Variants in TEX264 observed in about 807,000 individuals in gnomAD.
The protein encoded by TEX264 is testis expressed 264, ER-phagy receptor, also known as testis-expressed protein 264.
In TEX264, 13 loss-of-function variants were observed where a neutral mutation model predicts 23.4. The ratio of observed to expected loss-of-function variants is 0.56; its 90% CI spans 0.36 to 0.88. TEX264 has a LOEUF of 0.88. Among genes scored for constraint, TEX264 ranks in the 40% least tolerant of loss-of-function variants. TEX264 has a pLI of 0.01. For synonymous variants in TEX264, 159 were observed against 170.0 expected (o/e 0.94, Z 0.50); for missense variants, 340 against 406.8 (o/e 0.84, Z 1.41).
At chr3:51,672,191 G>A (rs368571998) in intron 1 of TEX264, 118 of 152,448 alleles carry the variant, frequency 7.7e-4, no homozygotes, top group African/African-American at 2.6e-3. Flanking sequence ...GGTTGGCTCA[G>A]TGGTTATTTC....
In TEX264 at chr3:51,699,396, C is replaced by T; in HGVS notation, c.481-10C>T. 1 of 1,612,472 alleles carries T rather than the reference C, an allele frequency of 6.2e-7. No homozygotes were observed. The highest frequency in any genetic ancestry group is 1.7e-5 in the Admixed American group (1 of 59,984). ...AGGGCTCATTCTACCTTTTGCCACT[C>T]TCTGACTAGGAGCGGAAGCTGTGTG... is the stretch of plus-strand genomic sequence containing the variant. On this transcript the variant is annotated splice_polypyrimidine_tract_variant and intron_variant, in intron 3 of 4. Transcript: ENST00000341333.
At chr3:51,699,884 C>T (rs1168782137) in intron 4 of TEX264, among the ~76,000 whole-genome samples, 1 of 152,116 alleles carries the variant, frequency 6.6e-6, no homozygotes, top group Admixed American at 6.5e-5. Context: ...ACAGACAGCT[C>T]GATGTTCATG....
intron 3 of TEX264, among the ~76,000 whole-genome samples, chr3:51,687,343 CTGTT>C (rs1702659077): frequency 6.6e-6 from 1 of 152,182 alleles, no homozygotes; most frequent in East Asian, 1.9e-4. Context: ...GGGGCTAGCT[CTGTT>C]TGCTGGTCAC....
intron 3 of TEX264, among the ~76,000 whole-genome samples, chr3:51,698,453 C>T (rs1044560214): frequency 2.0e-5 from 3 of 152,124 alleles, no homozygotes; most frequent in Non-Finnish European, 2.9e-5. Flanking sequence ...TGTGCTCCTT[C>T]GCAGGAAAGG....
At chr3:51,700,690 C>A (rs1703262561) in intron 4 of TEX264, among the ~76,000 whole-genome samples, 1 of 151,972 alleles carries the variant, frequency 6.6e-6, no homozygotes, top group Non-Finnish European at 1.5e-5. Flanking sequence ...ACCCACCCAC[C>A]CAGCTTCCTT....
In TEX264 at chr3:51,704,065, ACT is replaced by A. The variant is rs1703434868; in HGVS notation, c.*53_*54del. The A allele has an allele frequency of 2.2e-6, 3 of 1,387,624 alleles. No individual in the cohort carries two copies. The highest frequency in any genetic ancestry group is 2.8e-6 in the Non-Finnish European group (3 of 1,066,348). 86.0% of individuals were successfully genotyped at this position (1,387,624 alleles called of 1,614,324 possible). A position where few individuals can be genotyped will look rare whatever the true frequency, so the allele number is the denominator to read the frequency against. ...GTGCAGTTGCTGAGGAACTGAGCAG[ACT>A]CTCCAGCAGACTCTCCAGCCCTCTT... is the stretch of plus-strand genomic sequence containing the variant. On this transcript the variant is annotated 3_prime_UTR_variant, in exon 5 of 5. Coordinates refer to ENST00000341333, the MANE Select transcript of TEX264 (RefSeq NM_015926.6).
At chr3:51,684,712 G>A (rs1279848466) in intron 3 of TEX264, 78 bp downstream of exon 3, 2 of 1,458,404 alleles carry the variant, frequency 1.4e-6, no homozygotes, top group Non-Finnish European at 1.9e-6. Flanking sequence ...TGCCTAGAAT[G>A]GGAGGAAGAA....
chr3:51,682,926 A>G (rs1702486439), intron 2 of TEX264: 1 of 152,256 alleles, frequency 6.6e-6, no homozygotes, highest in South Asian at 2.1e-4. Flanking sequence ...GACTAAAAGG[A>G]AGGCCTGGGT....
chr3:51,693,569 T>G lies in TEX264; in HGVS notation c.481-5837T>G, dbSNP rs576020814. Among the ~76,000 whole-genome samples the G allele has an allele frequency of 6.2e-5, 9 of 146,052 alleles. No individual in the cohort carries two copies. The East Asian group carries it at 2.0e-3, about 32-fold the overall frequency. On this transcript the variant is annotated intron_variant, in intron 3 of 4. Coordinates refer to ENST00000341333, the MANE Select transcript of TEX264 (RefSeq NM_015926.6). ...ATCGCGGCTCACTGCAACCTCTGCC[T>G]CCCGGATTCAAGCAATTCTTCTGCC...
At position 51,692,108 on chromosome 3, in the gene TEX264, C is replaced by G. The variant is rs377423704; in HGVS notation, c.481-7298C>G. ...CGTGGGAGCCACCACTCTCAAAATA[C>G]CAGCTCGGATATTGTAGCTTGGCAG... is the stretch of plus-strand genomic sequence containing the variant. On this transcript the variant is annotated intron_variant, in intron 3 of 4. Coordinates refer to ENST00000341333, the MANE Select transcript of TEX264 (RefSeq NM_015926.6). Among the ~76,000 whole-genome samples the G allele has an allele frequency of 1.5e-4, 23 of 152,238 alleles. No individual in the cohort carries two copies. In the South Asian group the frequency reaches 4.8e-3, roughly 31 times the overall value.
chr3:51,703,227 A>G lies in TEX264; in HGVS notation c.650-497A>G, dbSNP rs543965240. On this transcript the variant is annotated intron_variant, in intron 4 of 4. Coordinates refer to ENST00000341333, the MANE Select transcript of TEX264 (RefSeq NM_015926.6). The surrounding 1 kb of genome is among the most constrained non-coding windows in gnomAD (Gnocchi z 4.8). ...GGAGCCCTGCACGGGGGAGGGCTGC[A>G]GAGGGGCCTCCTGCTGCATTCTGCA... 1.3e-5 allele frequency among the ~76,000 whole-genome samples: 2 copies of G among 152,320 alleles called. No individual in the cohort carries two copies. The highest frequency in any genetic ancestry group is 3.9e-4 in the East Asian group (2 of 5,172).
rs1559669391 is a variant in TEX264, at chr3:51,674,704, G to A, written c.258+142G>A. ...CAGACCCCTCCTCTATGAGCTTGAA[G>A]CACCTTCCAGATTTAGCCTGGACTT... On this transcript the variant is annotated intron_variant, in intron 2 of 4. Transcript: ENST00000341333. 3.0e-6 allele frequency: 3 copies of A among 1,001,462 alleles called. No homozygotes were observed. The African/African-American group carries it at 4.9e-5, about 16-fold the overall frequency. 62.0% of individuals were successfully genotyped at this position (1,001,462 alleles called of 1,614,324 possible). A position where few individuals can be genotyped will look rare whatever the true frequency, so the allele number is the denominator to read the frequency against.
chr3:51,678,652 C>A (rs28626048), intron 2 of TEX264, among the ~76,000 whole-genome samples: 1,657 of 152,318 alleles, frequency 0.011, 44 homozygotes, highest in African/African-American at 0.037. Flanking sequence ...AGCCCCCTTT[C>A]CCTTAGTCCA....
At chr3:51,690,321 C>T (rs1702783287) in intron 3 of TEX264, among the ~76,000 whole-genome samples, 2 of 152,136 alleles carry the variant, frequency 1.3e-5, no homozygotes, top group African/African-American at 4.8e-5. Context: ...CACCTAAAGT[C>T]AGGAGTTTGA....
At chr3:51,693,987 TTTCCTTCCTTCCTTCCTTCCTTCCTTCC>T (rs60768031) in intron 3 of TEX264, among the ~76,000 whole-genome samples, 3,438 of 77,768 alleles carry the variant, frequency 0.044, 202 homozygotes, top group African/African-American at 0.15. Flanking sequence ...AATCCCTTTC[TTTCCTTCCTTCCTTCCTTCCTTCCTTCC>T]TTCCTTCCTT....
chr3:51,674,286 G>C lies in TEX264; in HGVS notation c.-19G>C. 6.2e-7 allele frequency: 1 copy of C among 1,613,958 alleles called. No individual in the cohort carries two copies. Among genetic ancestry groups the C allele is most frequent in the South Asian group, 1.1e-5 (1 of 91,088 alleles). ...TCCTTTGCAGCTGCCTTGAGGTGCAGTGTTGGGGATCCAGAGCCATGTCGG... is the reference window on the plus strand; with the variant it reads ...TCCTTTGCAGCTGCCTTGAGGTGCACTGTTGGGGATCCAGAGCCATGTCGG... On this transcript the variant is annotated 5_prime_UTR_variant, in exon 2 of 5. Transcript: ENST00000341333.
chr3:51,704,063 A>T lies in TEX264; in HGVS notation c.*47A>T. 1 of 1,405,902 alleles carries T rather than the reference A, an allele frequency of 7.1e-7. No homozygotes were observed. The highest frequency in any genetic ancestry group is 9.3e-7 in the Non-Finnish European group (1 of 1,077,166). 87.1% of individuals were successfully genotyped at this position (1,405,902 alleles called of 1,614,324 possible). A position where few individuals can be genotyped will look rare whatever the true frequency, so the allele number is the denominator to read the frequency against. The stretch of plus-strand genomic sequence containing the variant: ...CAGTGCAGTTGCTGAGGAACTGAGC[A>T]GACTCTCCAGCAGACTCTCCAGCCC... On this transcript the variant is annotated 3_prime_UTR_variant, in exon 5 of 5. Transcript: ENST00000341333.
chr3:51,674,786 C>T (rs888910356), intron 2 of TEX264, among the ~76,000 whole-genome samples: 3 of 152,214 alleles, frequency 2.0e-5, no homozygotes, highest in African/African-American at 7.2e-5. Context: ...TTCCCCTTGC[C>T]CATGGCTACT....
intron 3 of TEX264, among the ~76,000 whole-genome samples, chr3:51,696,666 G>A (rs1411851314): frequency 2.0e-5 from 3 of 152,226 alleles, no homozygotes; most frequent in African/African-American, 7.2e-5. Flanking sequence ...AGGGAGAGCA[G>A]TCTCCCAGGA....
Sources: allele counts gnomAD v4.1 joint callset (sites outside exome capture counted in the v4.1 genomes callset), GRCh38; gene constraint gnomAD v4.1.1; non-coding constraint Gnocchi (gnomAD v3.1); transcripts MANE v1.5; gene names NCBI Gene and HGNC (gene_info 2026-07-23, HGNC 2026-07-21).